Variants in ESR1 observed in about 807,000 individuals in gnomAD.
ESR1 encodes the protein estrogen receptor 1.
In ESR1, 12 loss-of-function variants were observed where a neutral mutation model predicts 52.7. The ratio of observed to expected loss-of-function variants is 0.23; its 90% confidence interval spans 0.15 to 0.37. The LOEUF (loss-of-function observed/expected upper bound fraction) is 0.37, where lower values mean the gene tolerates loss of function less well. Among genes scored for constraint, ESR1 ranks in the 10% least tolerant of loss-of-function variants. ESR1 has a pLI of 1.00. For synonymous variants in ESR1, 305 were observed against 316.8 expected (o/e 0.96, Z 0.39); for missense variants, 584 against 779.7 (o/e 0.75, Z 2.99).
chr6:151,901,396 G>A (rs1796671321), intron 3 of ESR1, among the ~76,000 whole-genome samples: 1 of 152,142 alleles, frequency 6.6e-6, no homozygotes, highest in African/African-American at 2.4e-5. Flanking sequence ...GGGCTTTCAT[G>A]CCTCCCTTCC....
rs545115772 is a variant in ESR1, at chr6:151,833,917, C to A, written c.453-8680C>A. 2.0e-4 allele frequency among the ~76,000 whole-genome samples: 30 copies of A among 152,172 alleles called. No homozygotes were observed. The South Asian group carries it at 6.2e-3, about 32-fold the overall frequency. On this transcript the variant is annotated intron_variant, in intron 1 of 7. Transcript: ENST00000206249. ...GGTGAGTGCCATAGAGAAAACAAACCATTTATGCAGCCAACAAACATATGA... is the reference window on the plus strand; with the variant it reads ...GGTGAGTGCCATAGAGAAAACAAACAATTTATGCAGCCAACAAACATATGA...
upstream of ESR1, among the ~76,000 whole-genome samples, chr6:151,685,570 A>C (rs2115317230): frequency 6.6e-6 from 1 of 152,280 alleles, no homozygotes; most frequent in Middle Eastern, 3.4e-3. Flanking sequence ...TCCTGCTGAG[A>C]AGTGTGTGCA....
chr6:151,995,425 G>A (rs771174462), intron 4 of ESR1, among the ~76,000 whole-genome samples: 4 of 152,054 alleles, frequency 2.6e-5, no homozygotes, highest in Admixed American at 6.6e-5. Context: ...ATGACAGGAA[G>A]TATGAGACAC....
At chr6:152,082,740 A>G (rs1007704621) in intron 6 of ESR1, among the ~76,000 whole-genome samples, 6 of 152,220 alleles carry the variant, frequency 3.9e-5, no homozygotes, top group African/African-American at 1.4e-4. Flanking sequence ...AAATCTCCTT[A>G]AGCTGATAAG....
intron 6 of ESR1, among the ~76,000 whole-genome samples, chr6:152,088,926 C>T (rs1331208392): frequency 6.6e-6 from 1 of 152,150 alleles, no homozygotes; most frequent in Non-Finnish European, 1.5e-5. Context: ...AGTGTATTGT[C>T]AAAGTGATTC....
At chr6:151,968,944 T>C (rs1172312345) in intron 4 of ESR1, among the ~76,000 whole-genome samples, 1 of 152,166 alleles carries the variant, frequency 6.6e-6, no homozygotes, top group Non-Finnish European at 1.5e-5. Context: ...TTAAGCTCTC[T>C]CTGGCCTCAA....
intron 1 of ESR1, among the ~76,000 whole-genome samples, chr6:151,815,186 T>G (rs936097516): frequency 6.6e-6 from 1 of 152,230 alleles, no homozygotes; most frequent in Non-Finnish European, 1.5e-5. Context: ...TAGAAGACCT[T>G]ACACAGAGTT....
At chr6:151,887,183 G>A (rs1310550113) in intron 3 of ESR1, among the ~76,000 whole-genome samples, 2 of 152,034 alleles carry the variant, frequency 1.3e-5, no homozygotes, top group Non-Finnish European at 2.9e-5. Flanking sequence ...GTGAATCCAA[G>A]TTTCCTCAAA....
chr6:151,775,732 C>T (rs1345543379), intron 2 of ESR1, among the ~76,000 whole-genome samples: 3 of 146,996 alleles, frequency 2.0e-5, no homozygotes, highest in Non-Finnish European at 4.5e-5. Context: ...GGTGACAAAT[C>T]GAGACTCCGT....
At chr6:151,969,391 T>C (rs1278443535) in intron 4 of ESR1, among the ~76,000 whole-genome samples, 2 of 152,200 alleles carry the variant, frequency 1.3e-5, no homozygotes, top group African/African-American at 2.4e-5. Context: ...CAGACCAAAA[T>C]GGAGTTCTAT....
intron 2 of ESR1, among the ~76,000 whole-genome samples, chr6:151,729,244 C>A (rs1324152573): frequency 1.3e-5 from 2 of 152,120 alleles, no homozygotes; most frequent in Non-Finnish European, 2.9e-5. Context: ...AAGAGGGTGC[C>A]GTCTGTGAAC....
intron 4 of ESR1, among the ~76,000 whole-genome samples, chr6:151,954,053 C>A (rs1370870850): frequency 6.6e-6 from 1 of 152,088 alleles, no homozygotes. Flanking sequence ...TTCTTGCTAG[C>A]GTGAACTAAA....
intron 2 of ESR1, among the ~76,000 whole-genome samples, chr6:151,790,332 T>C (rs1776027697): frequency 1.3e-5 from 2 of 152,194 alleles, no homozygotes; most frequent in African/African-American, 2.4e-5. Flanking sequence ...CAGAGTTCTC[T>C]TATCCTTAAG....
chr6:152,085,942 G>A (rs535303160), intron 6 of ESR1, among the ~76,000 whole-genome samples: 8 of 152,296 alleles, frequency 5.3e-5, no homozygotes, highest in African/African-American at 1.7e-4. Context: ...TGCAAGAGAG[G>A]CTTCCTGCTC....
intron 4 of ESR1, among the ~76,000 whole-genome samples, chr6:152,005,990 A>T (rs2042299784): frequency 6.6e-6 from 1 of 151,978 alleles, no homozygotes; most frequent in South Asian, 2.1e-4. Flanking sequence ...AGAGCATTGG[A>T]TAGGTGGTAT....
rs575708297 is a variant in ESR1, at chr6:152,002,544, T to A, written c.1097-9112T>A. Among the ~76,000 whole-genome samples, 19 of 152,174 alleles carry A rather than the reference T, an allele frequency of 1.2e-4. No homozygotes were observed. In the South Asian group the frequency reaches 3.3e-3, roughly 27 times the overall value. On this transcript the variant is annotated intron_variant, in intron 4 of 7. Coordinates refer to ENST00000206249, the MANE Select transcript of ESR1 (RefSeq NM_000125.4). ...TCGGATGCAGCCAGTCTGTGCTCTTTGTCAGGTAACTCGGAATCACTCCAC... is the reference window on the plus strand; with the variant it reads ...TCGGATGCAGCCAGTCTGTGCTCTTAGTCAGGTAACTCGGAATCACTCCAC...
rs139656218 is a variant in ESR1, at chr6:151,723,956, A to C, written c.-71+21951A>C. ...AAATAAAATGACAATAAAGGAATGA[A>C]AAAGGCATAGGTACAAGCAGATGGG... is the stretch of plus-strand genomic sequence containing the variant. On this transcript the variant is annotated intron_variant, in intron 2 of 2. Coordinates refer to the ESR1 transcript ENST00000404742. Among the ~76,000 whole-genome samples the C allele has an allele frequency of 1.2e-3, 180 of 152,250 alleles. No individual in the cohort carries two copies. The Middle Eastern group carries it at 0.014, about 12-fold the overall frequency.
intron 5 of ESR1, among the ~76,000 whole-genome samples, chr6:152,034,637 T>A (rs1397523930): frequency 6.6e-6 from 1 of 152,158 alleles, no homozygotes; most frequent in African/African-American, 2.4e-5. Flanking sequence ...AATGTGCAAC[T>A]AACTCTTTCC....
chr6:151,687,877 C>T (rs1004397716), upstream of ESR1, among the ~76,000 whole-genome samples: 24 of 152,062 alleles, frequency 1.6e-4, no homozygotes, highest in Non-Finnish European at 2.9e-5. Flanking sequence ...CTTTATTTTT[C>T]ATTTGAAAAA....
Sources: gnomAD v4.1 joint callset for allele counts (sites outside exome capture counted in the v4.1 genomes callset) on GRCh38, gnomAD v4.1.1 for gene constraint, MANE v1.5 for transcripts, NCBI Gene and HGNC (gene_info 2026-07-23, HGNC 2026-07-21) for gene names.